PRKG1: variants seen among roughly 807,000 people sequenced by gnomAD.
PRKG1 encodes the protein cGMP-dependent protein kinase 1.
In PRKG1, 35 loss-of-function variants were observed where a neutral mutation model predicts 88.1. That is an observed-to-expected ratio of 0.40 (90% CI 0.30 to 0.53). The LOEUF (loss-of-function observed/expected upper bound fraction) is 0.53, where lower values mean the gene tolerates loss of function less well. Ranked by LOEUF, PRKG1 falls within the 20% of genes least tolerant of loss-of-function variation. The pLI, the probability that PRKG1 is intolerant of heterozygous loss-of-function variation, is 0.59. For synonymous variants in PRKG1, 303 were observed against 292.5 expected (o/e 1.04, Z -0.37); for missense variants, 540 against 839.8 (o/e 0.64, Z 4.41).
At position 51,278,822 on chromosome 10, in the gene PRKG1, C is replaced by T. The variant is rs554024711; in HGVS notation, c.478+125492C>T. Among the ~76,000 whole-genome samples the T allele has an allele frequency of 2.6e-5, 4 of 151,930 alleles. No individual in the cohort carries two copies. The South Asian group carries it at 6.3e-4, about 24-fold the overall frequency. On this transcript the variant is annotated intron_variant, in intron 2 of 17. Transcript: ENST00000373980. ...ATATCCCCTTTATCATTTTTTATTG[C>T]GTCTATTTGATTCTTCTCTCTTTTC...
At chr10:51,075,005 GT>G in intron 1 of PRKG1, 104 bp downstream of exon 1, 1 of 1,399,450 alleles carries the variant, frequency 7.1e-7, no homozygotes, top group Non-Finnish European at 9.5e-7. Flanking sequence ...TGCCATGTCT[GT>G]CCTCATCCTC....
At chr10:51,220,043 G>A (rs1253118030) in intron 2 of PRKG1, among the ~76,000 whole-genome samples, 1 of 152,180 alleles carries the variant, frequency 6.6e-6, no homozygotes, top group Non-Finnish European at 1.5e-5. Flanking sequence ...GAAAAGGAAG[G>A]CAGAAGAGGA....
chr10:51,546,152 T>G (rs528149246), intron 3 of PRKG1, among the ~76,000 whole-genome samples: 1 of 152,126 alleles, frequency 6.6e-6, no homozygotes, highest in Non-Finnish European at 1.5e-5. Context: ...TAAAGTATAA[T>G]TATGCTTATG....
At chr10:51,759,592 T>G (rs1837966085) in intron 3 of PRKG1, among the ~76,000 whole-genome samples, 3 of 152,262 alleles carry the variant, frequency 2.0e-5, no homozygotes, top group South Asian at 4.1e-4. Context: ...ACAATTAAAA[T>G]GAAACAAATG....
intron 4 of PRKG1, among the ~76,000 whole-genome samples, chr10:51,900,088 T>C (rs1564699469): frequency 2.6e-5 from 4 of 152,292 alleles, no homozygotes; most frequent in African/African-American, 9.6e-5. Context: ...CATTAGCCCA[T>C]AGAAACTTCT....
intron 9 of PRKG1, among the ~76,000 whole-genome samples, chr10:52,223,355 A>G (rs916604541): frequency 1.4e-4 from 22 of 152,246 alleles, no homozygotes; most frequent in African/African-American, 5.3e-4. Context: ...AATTATTGAC[A>G]CAGTTGACCA....
intron 2 of PRKG1, among the ~76,000 whole-genome samples, chr10:51,257,912 CA>C (rs1371033641): frequency 2.6e-5 from 4 of 152,008 alleles, no homozygotes; most frequent in Non-Finnish European, 5.9e-5. Context: ...GTTCTTTTGC[CA>C]AAAGAGAGGA....
intron 2 of PRKG1, among the ~76,000 whole-genome samples, chr10:51,445,796 G>A (rs749441396): frequency 2.2e-4 from 33 of 151,626 alleles, no homozygotes; most frequent in Non-Finnish European, 3.5e-4. Context: ...ACTGCCTGCC[G>A]TGCTAACTGA....
At chr10:52,033,329 G>C (rs746881135) in intron 5 of PRKG1, among the ~76,000 whole-genome samples, 1 of 152,078 alleles carries the variant, frequency 6.6e-6, no homozygotes, top group East Asian at 1.9e-4. Flanking sequence ...TTGATAAAAC[G>C]TACCTGGTCA....
intron 1 of PRKG1, among the ~76,000 whole-genome samples, chr10:51,101,824 A>G (rs1012663033): frequency 6.6e-6 from 1 of 152,218 alleles, no homozygotes; most frequent in Non-Finnish European, 1.5e-5. Flanking sequence ...TTCAGAAAAC[A>G]TAAGGACTGG....
At chr10:51,227,523 T>C (rs1410185498) in intron 2 of PRKG1, among the ~76,000 whole-genome samples, 3 of 152,208 alleles carry the variant, frequency 2.0e-5, no homozygotes, top group African/African-American at 7.2e-5. Flanking sequence ...AACAGCAATC[T>C]GTTAGCCACT....
chr10:51,424,381 G>C (rs1456509427), intron 2 of PRKG1, among the ~76,000 whole-genome samples: 2 of 151,772 alleles, frequency 1.3e-5, no homozygotes, highest in Admixed American at 6.6e-5. Flanking sequence ...ATTTTCTAAA[G>C]CAGTAATTTG....
At chr10:51,746,537 T>C (rs1417272586) in intron 3 of PRKG1, among the ~76,000 whole-genome samples, 1 of 151,586 alleles carries the variant, frequency 6.6e-6, no homozygotes, top group Non-Finnish European at 1.5e-5. Flanking sequence ...GCCTGGCCAG[T>C]GTGGTGAAAC....
At chr10:51,935,313 A>C (rs1490180035) in intron 5 of PRKG1, among the ~76,000 whole-genome samples, 1 of 152,136 alleles carries the variant, frequency 6.6e-6, no homozygotes, top group Non-Finnish European at 1.5e-5. Context: ...AAAACTCAGT[A>C]TAACCTGTGG....
At chr10:51,096,769 G>A (rs181102523) in intron 1 of PRKG1, among the ~76,000 whole-genome samples, 8 of 152,264 alleles carry the variant, frequency 5.3e-5, no homozygotes, top group African/African-American at 9.6e-5. Flanking sequence ...CCCTGCCTCA[G>A]CAGTTGCTAG....
At chr10:51,768,242 A>C (rs1460545418) in intron 3 of PRKG1, among the ~76,000 whole-genome samples, 1 of 152,070 alleles carries the variant, frequency 6.6e-6, no homozygotes, top group Non-Finnish European at 1.5e-5. Flanking sequence ...TGGAGGCAGA[A>C]TTTTTTAGTT....
intron 3 of PRKG1, among the ~76,000 whole-genome samples, chr10:51,742,473 C>G (rs1222155169): frequency 6.6e-6 from 1 of 152,064 alleles, no homozygotes; most frequent in Non-Finnish European, 1.5e-5. Flanking sequence ...GGGAGAAGAC[C>G]AGAGAGATTA....
intron 1 of PRKG1, among the ~76,000 whole-genome samples, chr10:51,011,195 TTG>T (rs112962407): frequency 6.6e-6 from 1 of 151,442 alleles, no homozygotes; most frequent in Non-Finnish European, 1.5e-5. Flanking sequence ...GAATTATTTG[TTG>T]TGTGTGTGTG....
chr10:51,533,236 T>G (rs1278591747), intron 3 of PRKG1, among the ~76,000 whole-genome samples: 1 of 152,252 alleles, frequency 6.6e-6, no homozygotes, highest in Non-Finnish European at 1.5e-5. Context: ...GGATTTTTCC[T>G]TTCAATAAAA....
Sources: gnomAD v4.1 joint callset for allele counts (sites outside exome capture counted in the v4.1 genomes callset) on GRCh38, gnomAD v4.1.1 for gene constraint, MANE v1.5 for transcripts, NCBI Gene and HGNC (gene_info 2026-07-23, HGNC 2026-07-21) for gene names.